Variants in MAD2L1BP observed in about 807,000 individuals in gnomAD.
MAD2L1BP encodes MAD2L1-binding protein.
MAD2L1BP carries 22 observed loss-of-function variants against 28.4 expected under a neutral mutation model. That is an observed-to-expected ratio of 0.77 (90% CI 0.55 to 1.10). The LOEUF (loss-of-function observed/expected upper bound fraction) is 1.10. Among genes scored for constraint, MAD2L1BP ranks in the 50% least tolerant of loss-of-function variants. The pLI, the probability that MAD2L1BP is intolerant of heterozygous loss-of-function variation, is 0.00. For synonymous variants in MAD2L1BP, 146 were observed against 133.7 expected (o/e 1.09, Z -0.63); for missense variants, 325 against 350.5 (o/e 0.93, Z 0.58).
chr6:43,635,785 C>T (rs1770172075), upstream of MAD2L1BP: 1 of 1,335,904 alleles, frequency 7.5e-7, no homozygotes, highest in Non-Finnish European at 9.8e-7. Flanking sequence ...TTTTTCCGAC[C>T]CAACTGAGCC....
At position 43,635,840 on chromosome 6, in the gene MAD2L1BP, A is replaced by G. The variant is rs1263990940; in HGVS notation, c.-36A>G. ...TCCCATGATGCCCCGCGAGACCTTT[A>G]TTCTAACCGCAAGGAGTAGCGGAGG... On this transcript the variant is annotated 5_prime_UTR_variant, in exon 1 of 3. Coordinates refer to ENST00000372171, the MANE Select transcript of MAD2L1BP (RefSeq NM_014628.3). 1.4e-6 allele frequency: 2 copies of G among 1,462,208 alleles called. No individual in the cohort carries two copies. The highest frequency in any genetic ancestry group is 1.8e-6 in the Non-Finnish European group (2 of 1,111,994). The allele number at this position is 1,462,208 out of a possible 1,614,324, so 90.6% of individuals were successfully genotyped here. A position where few individuals can be genotyped will look rare whatever the true frequency, so the allele number is the denominator to read the frequency against.
rs1459255869 is a variant in MAD2L1BP, at chr6:43,629,882, G to C, written c.20+113G>C. 8 of 1,324,784 alleles carry C rather than the reference G, an allele frequency of 6.0e-6. No individual in the cohort carries two copies. The East Asian group carries it at 7.8e-5, about 13-fold the overall frequency. The allele number at this position is 1,324,784 out of a possible 1,614,324, so 82.1% of individuals were successfully genotyped here. On this transcript the variant is annotated intron_variant, in intron 1 of 3. Transcript: ENST00000451025. ...ATAGTAGTCACTGCTTTATTACCAG[G>C]CTGGCACCGTCCAGGGGCTGGTTTT...
At position 43,635,857 on chromosome 6, in the gene MAD2L1BP, T is replaced by C. The variant is rs1038731799; in HGVS notation, c.-19T>C. On this transcript the variant is annotated 5_prime_UTR_variant, in exon 1 of 3. Coordinates refer to ENST00000372171, the MANE Select transcript of MAD2L1BP (RefSeq NM_014628.3). ...AGACCTTTATTCTAACCGCAAGGAG[T>C]AGCGGAGGGGAGGTCGTGATGGCGG... The C allele has an allele frequency of 3.8e-5, 56 of 1,470,574 alleles. No homozygotes were observed. The highest frequency in any genetic ancestry group is 4.9e-5 in the Non-Finnish European group (55 of 1,117,040). The allele number at this position is 1,470,574 out of a possible 1,614,324, so 91.1% of individuals were successfully genotyped here. A position where few individuals can be genotyped will look rare whatever the true frequency, so the allele number is the denominator to read the frequency against.
Position 43,636,535 on chromosome 6 carries a change from A to T in MAD2L1BP, c.201A>T (p.Glu67Asp). The change falls in exon 2 of 3, where the codon GAA (glutamate) becomes GAT (aspartate). Residue 67 changes from glutamate to aspartate, a missense_variant. Transcript: ENST00000372171. ...TGTTTCCTGGGCCTGTGAGCCAGGAAGGCTGCTGTCAGTTTACTTGTGAAC... is the reference window on the plus strand; with the variant it reads ...TGTTTCCTGGGCCTGTGAGCCAGGATGGCTGCTGTCAGTTTACTTGTGAAC... ...PVVFPGPVSQ[E>D]GCCQFTCELL... 6.2e-7 allele frequency: 1 copy of T among 1,614,196 alleles called. No homozygotes were observed. Among genetic ancestry groups the T allele is most frequent in the Non-Finnish European group, 8.5e-7 (1 of 1,180,030 alleles).
rs766473252 is a variant in MAD2L1BP at position 43,640,353 on chromosome 6, A to G, written c.645A>G (p.Ala215=). ...CACTCATGGGCACCGTCGTCATGGC[A>G]CAGGGACACCGCAACTGTGGAGAAG... ...APPLMGTVVM[A]QGHRNCGEDW... is the part of the protein sequence containing the mutation. The change falls in exon 3 of 3, where the codon GCA becomes GCG. Residue 215 remains alanine (A), a synonymous_variant. Transcript: ENST00000372171. 4 of 1,613,912 alleles carry G rather than the reference A, an allele frequency of 2.5e-6. No individual in the cohort carries two copies. The South Asian group carries it at 3.3e-5, about 13-fold the overall frequency.
At chr6:43,633,136 C>A, upstream of MAD2L1BP, 1 of 417,230 alleles carries the variant, frequency 2.4e-6, no homozygotes. Flanking sequence ...GCTGGAGCTG[C>A]CATGCCCAGT....
At chr6:43,638,037 A>G (rs1298721905) in intron 2 of MAD2L1BP, among the ~76,000 whole-genome samples, 1 of 152,150 alleles carries the variant, frequency 6.6e-6, no homozygotes, top group Non-Finnish European at 1.5e-5. Context: ...AGCTGGGATT[A>G]CAGGCATGTG....
upstream of MAD2L1BP, among the ~76,000 whole-genome samples, chr6:43,631,946 C>G (rs1769946383): frequency 6.6e-6 from 1 of 152,148 alleles, no homozygotes; most frequent in Non-Finnish European, 1.5e-5. Context: ...GTTGCCCAGG[C>G]TGGAGTGCAA....
Position 43,638,816 on chromosome 6 carries a change from ATCAT to A in MAD2L1BP, c.313-1203_313-1200del, listed in dbSNP as rs1582367033. Among the ~76,000 whole-genome samples the A allele has an allele frequency of 4.6e-5, 7 of 152,056 alleles. No homozygotes were observed. In the East Asian group the frequency reaches 1.4e-3, roughly 29 times the overall value. On this transcript the variant is annotated intron_variant, in intron 2 of 2. Coordinates refer to ENST00000372171, the MANE Select transcript of MAD2L1BP (RefSeq NM_014628.3). ...GTCTCAAAAAAAAAAAAAAGAATAAATCATTGCAAGCTGTGTGTGCATGCCTGGG... is the reference window on the plus strand; with the variant it reads ...GTCTCAAAAAAAAAAAAAAGAATAAATGCAAGCTGTGTGTGCATGCCTGGG...
At chr6:43,639,860 A>T (rs997008706) in intron 2 of MAD2L1BP, among the ~76,000 whole-genome samples, 161 bp from the exon 3 acceptor site, 3 of 152,240 alleles carry the variant, frequency 2.0e-5, no homozygotes, top group Non-Finnish European at 4.4e-5. Flanking sequence ...CCTTTTCAGT[A>T]TAATACCCTC....
At chr6:43,630,267 T>C (rs1292882645) in intron 1 of MAD2L1BP, among the ~76,000 whole-genome samples, 1 of 152,174 alleles carries the variant, frequency 6.6e-6, no homozygotes, top group African/African-American at 2.4e-5. Context: ...TTCAGCGACA[T>C]AAGCCAGTGC....
At chr6:43,632,002 C>A (rs1393822907), upstream of MAD2L1BP, among the ~76,000 whole-genome samples, 1 of 151,824 alleles carries the variant, frequency 6.6e-6, no homozygotes, top group East Asian at 1.9e-4. Context: ...CGGGTTCAAG[C>A]GATTCTCCTG....
chr6:43,632,061 G>A (rs929746346), upstream of MAD2L1BP, among the ~76,000 whole-genome samples: 5 of 151,738 alleles, frequency 3.3e-5, no homozygotes, highest in Admixed American at 2.0e-4. Flanking sequence ...CACCACACCC[G>A]GCTAATTTTG....
chr6:43,634,652 C>T (rs1770101804), upstream of MAD2L1BP, among the ~76,000 whole-genome samples: 1 of 152,160 alleles, frequency 6.6e-6, no homozygotes, highest in African/African-American at 2.4e-5. Context: ...CCTCCGCCTC[C>T]CGGCTTCAAG....
Position 43,640,879 on chromosome 6 carries a change from C to G in MAD2L1BP, c.*346C>G, listed in dbSNP as rs1327470161. The G allele has an allele frequency of 4.1e-6, 1 of 242,006 alleles. No individual in the cohort carries two copies. Among genetic ancestry groups the G allele is most frequent in the African/African-American group, 2.2e-5 (1 of 45,182 alleles). The allele number at this position is 242,006 out of a possible 1,614,324, so 15.0% of individuals were successfully genotyped here. Reference sequence around the variant, plus strand: ...TTGCTGTGTCCTTTCAGAATTTTTACCAGGAACATAATGTGGATGTGACTT... The same window carrying G: ...TTGCTGTGTCCTTTCAGAATTTTTAGCAGGAACATAATGTGGATGTGACTT... On this transcript the variant is annotated 3_prime_UTR_variant, in exon 3 of 3. Transcript: ENST00000372171.
At chr6:43,636,035 C>T in intron 1 of MAD2L1BP, 114 bp downstream of exon 1, 1 of 1,101,030 alleles carries the variant, frequency 9.1e-7, no homozygotes, top group Non-Finnish European at 1.3e-6. Flanking sequence ...TCCCTGTCTT[C>T]CGGGTGTCCT....
rs201103895 is a variant in MAD2L1BP, at chr6:43,640,351, G to A, written c.643G>A (p.Ala215Thr). The stretch of plus-strand genomic sequence containing the variant: ...TCCACTCATGGGCACCGTCGTCATG[G>A]CACAGGGACACCGCAACTGTGGAGA... ...APPLMGTVVMAQGHRNCGEDW... is the reference protein window; with the variant it reads ...APPLMGTVVMTQGHRNCGEDW... Residue 215 changes from alanine to threonine, a missense_variant, in exon 3 of 3, where the codon GCA (alanine) becomes ACA (threonine). Ala to Thr is a moderately conservative substitution (Grantham distance 58). Coordinates refer to ENST00000372171, the MANE Select transcript of MAD2L1BP (RefSeq NM_014628.3). The A allele has an allele frequency of 6.2e-6, 10 of 1,613,864 alleles. No individual in the cohort carries two copies. The highest frequency in any genetic ancestry group is 4.0e-5 in the African/African-American group (3 of 75,030).
At position 43,640,074 on chromosome 6, in the gene MAD2L1BP, G is replaced by A. The variant is rs745901680; in HGVS notation, c.366G>A (p.Arg122=). The A allele has an allele frequency of 3.8e-6, 6 of 1,580,396 alleles. No homozygotes were observed. The South Asian group carries it at 4.6e-5, about 12-fold the overall frequency. Residue 122 remains arginine (R), a synonymous_variant, in exon 3 of 3, where the codon AGG becomes AGA. Transcript: ENST00000372171. The part of the protein sequence containing the change: ...KPRATTEVSS[R]KCQQALAELE... ...GGGCCACCACTGAGGTGAGCAGCAGGAAATGCCAACAAGCCCTGGCAGAAC... is the reference window on the plus strand; with the variant it reads ...GGGCCACCACTGAGGTGAGCAGCAGAAAATGCCAACAAGCCCTGGCAGAAC...
chr6:43,640,504 C>T lies in MAD2L1BP; in HGVS notation c.796C>T (p.Pro266Ser). 3 of 1,602,692 alleles carry T rather than the reference C, an allele frequency of 1.9e-6. No homozygotes were observed. The highest frequency in any genetic ancestry group is 4.5e-5 in the East Asian group (2 of 44,696). Residue 266 changes from proline to serine, a missense_variant, in exon 3 of 3, where the codon CCA becomes TCA. By Grantham distance (74) the Pro-to-Ser change is moderately conservative. Coordinates refer to ENST00000372171, the MANE Select transcript of MAD2L1BP (RefSeq NM_014628.3). ...AWEDYIWFQAPVTFKGFRE is the reference protein window; with the variant it reads ...AWEDYIWFQASVTFKGFRE ...GGAAGACTACATTTGGTTCCAGGCA[C>T]CAGTGACATTTAAAGGCTTCCGCGA... is the stretch of plus-strand genomic sequence containing the variant.
Sources: allele counts gnomAD v4.1 joint callset (sites outside exome capture counted in the v4.1 genomes callset), GRCh38; gene constraint gnomAD v4.1.1; transcripts MANE v1.5; gene names NCBI Gene and HGNC (gene_info 2026-07-23, HGNC 2026-07-21).